DLGAP2: variants seen among roughly 807,000 people sequenced by gnomAD.
DLGAP2 encodes the protein DLG associated protein 2.
A neutral mutation model predicts 100.3 loss-of-function variants in DLGAP2; 26 were observed. The observed-to-expected ratio is 0.26, with a 90% CI of 0.19 to 0.36. DLGAP2 has a LOEUF of 0.36. Ranked by LOEUF, DLGAP2 falls within the 10% of genes least tolerant of loss-of-function variation. The pLI, the probability that DLGAP2 is intolerant of heterozygous loss-of-function variation, is 1.00. For synonymous variants in DLGAP2, 886 were observed against 630.1 expected (o/e 1.41, Z -6.08); for missense variants, 1,858 against 1,453.2 (o/e 1.28, Z -4.53).
intron 3 of DLGAP2, among the ~76,000 whole-genome samples, chr8:1,298,098 C>G (rs1353062620): frequency 7.7e-6 from 1 of 129,052 alleles, no homozygotes; most frequent in East Asian, 2.3e-4. Context: ...CCACGTGAGA[C>G]AGGGAGGAGA....
intron 2 of DLGAP2, among the ~76,000 whole-genome samples, chr8:1,251,178 C>G (rs770793638): frequency 1.3e-5 from 2 of 152,198 alleles, no homozygotes; most frequent in Non-Finnish European, 2.9e-5. Context: ...TGAGAACTAA[C>G]TTCTAAAAAT....
intron 2 of DLGAP2, among the ~76,000 whole-genome samples, chr8:1,059,922 G>T (rs947880091): frequency 2.6e-5 from 4 of 152,192 alleles, no homozygotes; most frequent in African/African-American, 9.7e-5. Context: ...ATGGATCGGG[G>T]GTATTCACAG....
In DLGAP2 at chr8:1,549,098, G is replaced by A; in HGVS notation, c.645G>A (p.Thr215=). ...TCCACACGCTGCAGTACCAGAGGAC[G>A]TCCGCGGCCGCCGAGCAGCGCAGCG... ...DGFHTLQYQR[T]SAAAEQRSES... is the part of the protein sequence containing the mutation. Residue 215 remains threonine (T), a synonymous_variant, in exon 5 of 15, where the codon ACG becomes ACA. Transcript: ENST00000637795. 4 of 1,582,978 alleles carry A rather than the reference G, an allele frequency of 2.5e-6. No homozygotes were observed. Among genetic ancestry groups the A allele is most frequent in the South Asian group, 1.1e-5 (1 of 87,776 alleles).
intron 1 of DLGAP2, among the ~76,000 whole-genome samples, chr8:762,246 G>A (rs1821106703): frequency 6.6e-6 from 1 of 150,518 alleles, no homozygotes; most frequent in Non-Finnish European, 1.5e-5. Context: ...CCATGAAGTG[G>A]TAGCAGTTTA....
intron 2 of DLGAP2, among the ~76,000 whole-genome samples, chr8:1,012,778 A>C (rs1335696472): frequency 3.1e-5 from 2 of 65,350 alleles, no homozygotes; most frequent in Admixed American, 1.9e-4. Context: ...CCAGCCCCCC[A>C]CTTCAGCGGC....
chr8:1,437,102 G>A (rs1362759011), intron 3 of DLGAP2, among the ~76,000 whole-genome samples: 1 of 151,364 alleles, frequency 6.6e-6, no homozygotes, highest in Non-Finnish European at 1.5e-5. Flanking sequence ...GACGCCATCC[G>A]GGTCTCCGTT....
At chr8:842,327 C>A (rs113585648) in intron 1 of DLGAP2, among the ~76,000 whole-genome samples, 2 of 152,184 alleles carry the variant, frequency 1.3e-5, no homozygotes, top group African/African-American at 4.8e-5. Context: ...AGGTTTGCTG[C>A]GTATGCAATG....
At chr8:1,056,829 G>T (rs1397692008) in intron 2 of DLGAP2, among the ~76,000 whole-genome samples, 1 of 152,234 alleles carries the variant, frequency 6.6e-6, no homozygotes, top group African/African-American at 2.4e-5. Context: ...ATGAGTACAT[G>T]CAACTGTGCC....
intron 2 of DLGAP2, among the ~76,000 whole-genome samples, chr8:1,121,989 C>T (rs751390681): frequency 6.6e-6 from 1 of 152,298 alleles, no homozygotes; most frequent in Middle Eastern, 3.4e-3. Flanking sequence ...GTTGCCCCAA[C>T]CCATACAGAA....
intron 3 of DLGAP2, among the ~76,000 whole-genome samples, chr8:1,389,240 A>T (rs1311752005): frequency 6.8e-6 from 1 of 147,338 alleles, no homozygotes; most frequent in African/African-American, 2.7e-5. Flanking sequence ...ACTCTGGAGG[A>T]GGAGGATTGG....
intron 2 of DLGAP2, among the ~76,000 whole-genome samples, chr8:924,070 T>C (rs1270670655): frequency 1.3e-5 from 2 of 152,206 alleles, no homozygotes; most frequent in Non-Finnish European, 2.9e-5. Context: ...TGGCTGTAGA[T>C]AGGAGCCTAT....
At chr8:1,597,772 A>G (rs10780155) in intron 6 of DLGAP2, among the ~76,000 whole-genome samples, 67,045 of 152,050 alleles carry the variant, frequency 0.44, 14,892 homozygotes, top group African/African-American at 0.49. Context: ...TTTAGGGCTG[A>G]GACAATGGGG....
chr8:932,030 G>A (rs1184580833), intron 2 of DLGAP2, among the ~76,000 whole-genome samples: 1 of 152,156 alleles, frequency 6.6e-6, no homozygotes, highest in Non-Finnish European at 1.5e-5. Flanking sequence ...TGTTATCAGT[G>A]GAAATATTCC....
intron 3 of DLGAP2, among the ~76,000 whole-genome samples, chr8:1,440,803 G>A (rs900310096): frequency 3.9e-5 from 6 of 152,198 alleles, no homozygotes; most frequent in African/African-American, 1.2e-4. Flanking sequence ...CCCAGCTTAT[G>A]AGGACAAATG....
intron 2 of DLGAP2, among the ~76,000 whole-genome samples, chr8:1,079,437 C>A (rs1436801463): frequency 6.6e-6 from 1 of 151,582 alleles, no homozygotes; most frequent in Admixed American, 6.6e-5. Context: ...AACTATTTTT[C>A]AAAAAAAATT....
intron 3 of DLGAP2, among the ~76,000 whole-genome samples, chr8:1,354,615 G>A (rs1181588568): frequency 4.0e-5 from 6 of 151,106 alleles, no homozygotes; most frequent in African/African-American, 1.5e-4. Context: ...ATGATGCTGC[G>A]GATGAAGGTG....
At chr8:973,544 C>G (rs1408570821) in intron 2 of DLGAP2, among the ~76,000 whole-genome samples, 1 of 152,178 alleles carries the variant, frequency 6.6e-6, no homozygotes, top group Non-Finnish European at 1.5e-5. Context: ...CTCCTCACTT[C>G]TTTCCAGATG....
At chr8:890,426 C>G (rs1021161725) in intron 1 of DLGAP2, among the ~76,000 whole-genome samples, 1 of 152,042 alleles carries the variant, frequency 6.6e-6, no homozygotes, top group Non-Finnish European at 1.5e-5. Context: ...GAATATAGTT[C>G]GGGAATTGCC....
At chr8:961,309 T>C (rs192848583) in intron 2 of DLGAP2, among the ~76,000 whole-genome samples, 1 of 149,042 alleles carries the variant, frequency 6.7e-6, no homozygotes, top group East Asian at 1.9e-4. Flanking sequence ...GAAAATGAGT[T>C]CCATCATCAG....
Sources: allele counts gnomAD v4.1 joint callset (sites outside exome capture counted in the v4.1 genomes callset), GRCh38; gene constraint gnomAD v4.1.1; transcripts MANE v1.5; gene names NCBI Gene and HGNC (gene_info 2026-07-23, HGNC 2026-07-21).